CPNE5: variants seen among roughly 807,000 people sequenced by gnomAD.
CPNE5 encodes the protein copine 5.
CPNE5 carries 42 observed loss-of-function variants against 81.1 expected under a neutral mutation model. That is an observed-to-expected ratio of 0.52 (90% CI 0.40 to 0.67). The LOEUF is 0.67. Ranked by LOEUF, CPNE5 falls within the 30% of genes least tolerant of loss-of-function variation. CPNE5 has a pLI of 0.00. For synonymous variants in CPNE5, 313 were observed against 321.5 expected (o/e 0.97, Z 0.28); for missense variants, 612 against 815.5 (o/e 0.75, Z 3.04).
In CPNE5 at chr6:36,808,416, TG is replaced by T. The variant is rs11290216; in HGVS notation, c.184-8347del. Among the ~76,000 whole-genome samples, 1,171 of 152,222 alleles carry T rather than the reference TG, an allele frequency of 7.7e-3. 19 individuals carry two copies. Among genetic ancestry groups the T allele is most frequent in the African/African-American group, 0.026 (1,089 of 41,512 alleles). On this transcript the variant is annotated intron_variant, in intron 3 of 20. Coordinates refer to ENST00000244751, the MANE Select transcript of CPNE5 (RefSeq NM_020939.2). ...AACCTGCTTCCAGATTTCTAAAATC[TG>T]GGCCCCTTCTTCCTCCTCATCACCC...
rs1414210315 is a variant in CPNE5, at chr6:36,742,340, T to C, written c.1710A>G (p.Ala570=). ...ACTGCGAGGGCGAGTGGGTTGGTGC[T>C]GCGGGTGGGGGACGCGGGCGAATGC... The part of the protein sequence containing the change: ...AQGIRPRPPP[A]APTHSPSQSP... The change falls in exon 21 of 21, where the codon GCA becomes GCG. Residue 570 remains alanine, a synonymous_variant. Transcript: ENST00000244751. 5 of 1,612,754 alleles carry C rather than the reference T, an allele frequency of 3.1e-6. No homozygotes were observed. The highest frequency in any genetic ancestry group is 3.4e-6 in the Non-Finnish European group (4 of 1,179,860).
intron 1 of CPNE5, chr6:36,827,763 G>T (rs918261078): frequency 1.0e-6 from 1 of 985,310 alleles, no homozygotes; most frequent in Non-Finnish European, 1.2e-6. Context: ...CCGCCCTGAC[G>T]AAGGGCCCGA....
At position 36,798,249 on chromosome 6, in the gene CPNE5, T is replaced by C; in HGVS notation, c.328-8A>G. On this transcript the variant is annotated splice_region_variant and splice_polypyrimidine_tract_variant and intron_variant, in intron 5 of 20. Transcript: ENST00000244751. ...GGCCTGGCCCAGGAAATCCTGCATA[T>C]CCAGGGAACAGAAGAGACCAGTGTC... 1.2e-6 allele frequency: 2 copies of C among 1,612,358 alleles called. No individual in the cohort carries two copies. Among genetic ancestry groups the C allele is most frequent in the Non-Finnish European group, 1.7e-6 (2 of 1,179,100 alleles).
rs369087103 is a variant in CPNE5 at position 36,744,221 on chromosome 6, T to C, written c.1489+47A>G. The C allele has an allele frequency of 2.9e-5, 43 of 1,480,926 alleles. No homozygotes were observed. The African/African-American group carries it at 5.4e-4, about 19-fold the overall frequency. 91.7% of individuals were successfully genotyped at this position (1,480,926 alleles called of 1,614,324 possible). A position where few individuals can be genotyped will look rare whatever the true frequency, so the allele number is the denominator to read the frequency against. On this transcript the variant is annotated intron_variant, in intron 19 of 20. Coordinates refer to ENST00000244751, the MANE Select transcript of CPNE5 (RefSeq NM_020939.2). ...GAAACATCTGGGGTGGGGGCAGGGTTGCGTGGCTAGGGAAGGAAAGGAGGG... is the reference window on the plus strand; with the variant it reads ...GAAACATCTGGGGTGGGGGCAGGGTCGCGTGGCTAGGGAAGGAAAGGAGGG...
chr6:36,762,830 C>T (rs1290205948), intron 12 of CPNE5, 87 bp downstream of exon 12: 4 of 1,043,814 alleles, frequency 3.8e-6, no homozygotes, highest in African/African-American at 1.6e-5. Context: ...ACACACCAAG[C>T]CCCCAGCCCA....
intron 12 of CPNE5, among the ~76,000 whole-genome samples, chr6:36,757,983 G>A (rs1382691086): frequency 6.6e-6 from 1 of 152,166 alleles, no homozygotes; most frequent in African/African-American, 2.4e-5. Context: ...AGGGAACTCT[G>A]ATGACCCCCA....
chr6:36,833,779 C>A (rs1395955441), intron 1 of CPNE5, among the ~76,000 whole-genome samples: 2 of 152,130 alleles, frequency 1.3e-5, no homozygotes, highest in Non-Finnish European at 2.9e-5. Context: ...AGACCCTGAG[C>A]AGAAAAGCCA....
rs906568726 is a variant in CPNE5 at position 36,766,103 on chromosome 6, C to T, written c.738-727G>A. Among the ~76,000 whole-genome samples the T allele has an allele frequency of 1.4e-4, 22 of 152,168 alleles. No homozygotes were observed. The highest frequency in any genetic ancestry group is 5.1e-4 in the African/African-American group (21 of 41,524). ...CGGTTAACCCTTGGTGCCAGCTGCT[C>T]GATCCTCCAGGGATGCCCAGGGACA... On this transcript the variant is annotated intron_variant, in intron 10 of 20. Coordinates refer to ENST00000244751, the MANE Select transcript of CPNE5 (RefSeq NM_020939.2). The surrounding 1 kb of genome is among the most constrained non-coding windows in gnomAD (Gnocchi z 4.2).
intron 4 of CPNE5, among the ~76,000 whole-genome samples, chr6:36,799,063 C>T (rs1769865152): frequency 6.6e-6 from 1 of 152,184 alleles, no homozygotes; most frequent in African/African-American, 2.4e-5. Context: ...CTCCTCCCCT[C>T]ACCTGGGGCC....
chr6:36,821,840 CCTT>C (rs1772081839), intron 3 of CPNE5, among the ~76,000 whole-genome samples: 2 of 152,154 alleles, frequency 1.3e-5, no homozygotes, highest in Non-Finnish European at 2.9e-5. Flanking sequence ...GGCACGGACT[CCTT>C]CTGCGTCTCC....
At chr6:36,745,731 T>C (rs1764087002) in intron 16 of CPNE5, among the ~76,000 whole-genome samples, 1 of 152,116 alleles carries the variant, frequency 6.6e-6, no homozygotes, top group South Asian at 2.1e-4. Context: ...CTTACCCGGC[T>C]CCCTGTACCT....
intron 1 of CPNE5, among the ~76,000 whole-genome samples, chr6:36,829,270 A>G (rs1772778545): frequency 6.6e-6 from 1 of 152,000 alleles, no homozygotes; most frequent in Admixed American, 6.6e-5. Context: ...CTGAGGCAGG[A>G]GGATCACTTG....
chr6:36,743,720 C>T lies in CPNE5; in HGVS notation c.1532G>A (p.Arg511Gln), dbSNP rs763297553. 8 of 1,613,292 alleles carry T rather than the reference C, an allele frequency of 5.0e-6. No homozygotes were observed. The highest frequency in any genetic ancestry group is 5.1e-6 in the Non-Finnish European group (6 of 1,179,986). Reference sequence around the variant, plus strand: ...GATGTCGCGTTCAGCCAGCTTCCCCCGGGAGGAGATCCGCACGTCGTCGCC... The same window carrying T: ...GATGTCGCGTTCAGCCAGCTTCCCCTGGGAGGAGATCCGCACGTCGTCGCC... ...LDGDDVRISS[R>Q]GKLAERDIVQ... The change falls in exon 20 of 21, where the codon CGG (arginine) becomes CAG (glutamine). Residue 511 changes from arginine (R) to glutamine (Q), a missense_variant. Physicochemically the swap from Arg to Gln is conservative, Grantham distance 43. Coordinates refer to ENST00000244751, the MANE Select transcript of CPNE5 (RefSeq NM_020939.2).
intron 3 of CPNE5, among the ~76,000 whole-genome samples, chr6:36,817,063 C>T (rs1030898404): frequency 7.2e-5 from 11 of 152,314 alleles, no homozygotes; most frequent in South Asian, 4.1e-4. Flanking sequence ...CAGTGGCTCA[C>T]GCCTATAATC....
intron 6 of CPNE5, among the ~76,000 whole-genome samples, chr6:36,796,030 CCTCCGCCTCCTGGGTTCAAGCGATT>C (rs1198942485): frequency 6.6e-6 from 1 of 152,168 alleles, no homozygotes; most frequent in Non-Finnish European, 1.5e-5. Context: ...CTCACTGCAA[CCTCCGCCTCCTGGGTTCAAGCGATT>C]CTCCTGCCTC....
In CPNE5 at chr6:36,745,072, C is replaced by A; in HGVS notation, c.1407G>T (p.Ala469=). The A allele has an allele frequency of 1.9e-6, 3 of 1,613,896 alleles. No individual in the cohort carries two copies. Among genetic ancestry groups the A allele is most frequent in the South Asian group, 1.1e-5 (1 of 91,082 alleles). Residue 469 remains alanine (A), a synonymous_variant, in exon 18 of 21, where the codon GCG becomes GCT. Coordinates refer to ENST00000244751, the MANE Select transcript of CPNE5 (RefSeq NM_020939.2). ...IITDGVISDM[A]QTKEAIVNAA... is the part of the protein sequence containing the mutation. ...CGTTGACAATGGCCTCCTTGGTCTG[C>A]GCCATGTCCGAGATGACCCCATCAG...
intron 12 of CPNE5, among the ~76,000 whole-genome samples, chr6:36,759,571 G>A (rs10807176): frequency 2.6e-5 from 4 of 151,584 alleles, no homozygotes; most frequent in African/African-American, 4.9e-5. Context: ...TCTTTGAGGG[G>A]TTGAATAGTG....
intron 8 of CPNE5, among the ~76,000 whole-genome samples, chr6:36,786,387 G>A (rs2150491241): frequency 6.6e-6 from 1 of 152,322 alleles, no homozygotes; most frequent in African/African-American, 2.4e-5. Flanking sequence ...TGCATTGACT[G>A]TAATAACCAT....
chr6:36,827,546 A>T (rs1238812013), intron 1 of CPNE5: 10 of 985,290 alleles, frequency 1.0e-5, no homozygotes, highest in Non-Finnish European at 1.2e-5. Flanking sequence ...CCACATGTTG[A>T]GACACCGTCT....
Sources: gnomAD v4.1 joint callset for allele counts (sites outside exome capture counted in the v4.1 genomes callset) on GRCh38, gnomAD v4.1.1 for gene constraint, Gnocchi (gnomAD v3.1) non-coding constraint, MANE v1.5 for transcripts, NCBI Gene and HGNC (gene_info 2026-07-23, HGNC 2026-07-21) for gene names.